The following GPR85 variants were observed in gnomAD, a reference collection of about 807,000 sequenced individuals.
The protein encoded by GPR85 is G protein-coupled receptor 85, also known as probable G protein-coupled receptor 85.
GPR85 carries 7 observed loss-of-function variants against 21.3 expected under a neutral mutation model. That is an observed-to-expected ratio of 0.33 (90% confidence interval 0.19 to 0.62). The LOEUF (loss-of-function observed/expected upper bound fraction) is 0.62, where lower values mean the gene tolerates loss of function less well. GPR85 is among the 20% of genes least tolerant of loss of function. The probability of loss-of-function intolerance (pLI) is 0.80; values close to 1 mark genes in which losing one functional copy is unlikely to be tolerated. For synonymous variants in GPR85, 167 were observed against 166.1 expected (o/e 1.01, Z -0.04); for missense variants, 299 against 443.8 (o/e 0.67, Z 2.93).
chr7:113,087,285 A>T (rs1794334688), upstream of GPR85, among the ~76,000 whole-genome samples: 2 of 152,238 alleles, frequency 1.3e-5, no homozygotes, highest in Non-Finnish European at 1.5e-5. Flanking sequence ...CTGGCATTCC[A>T]CCCCACCAAG....
At position 113,086,426 on chromosome 7, in the gene GPR85, T is replaced by TTTTTTTTTTTTTTTTTTTTTTTTG. The variant is rs1794299341; in HGVS notation, c.-394_-393insCAAAAAAAAAAAAAAAAAAAAAAA. ...TTTTTTTTTTTTTTTTGTTTTTTGT[T>TTTTTTTTTTTTTTTTTTTTTTTTG]TTTTTTTTTTTTTTTTTTGCCTTAG... On this transcript the variant is annotated 5_prime_UTR_variant, in exon 1 of 3. Coordinates refer to ENST00000424100, the MANE Select transcript of GPR85 (RefSeq NM_001146267.2). 1 of 99,924 alleles carries TTTTTTTTTTTTTTTTTTTTTTTTG rather than the reference T, an allele frequency of 1.0e-5. No individual in the cohort carries two copies. The highest frequency in any genetic ancestry group is 4.2e-5 in the African/African-American group (1 of 23,606). The allele number at this position is 99,924 out of a possible 1,614,324, so 6.2% of individuals were successfully genotyped here.
Position 113,084,508 on chromosome 7 carries a change from T to G in GPR85, c.214A>C (p.Ile72Leu). The part of the protein sequence containing the change: ...LCCSDILRSA[I>L]CFPFVFNSVK... ...GAGTTGAACACAAATGGGAAACAAA[T>G]TGCAGATCTGAGGATATCTGAACAG... The change falls in exon 3 of 3, where the codon ATT becomes CTT. Residue 72 changes from isoleucine (I) to leucine (L), a missense_variant. Ile to Leu is a conservative substitution (Grantham distance 5). This residue lies in a region of GPR85 where 101 missense variants were observed against 108.4 expected (regional missense o/e 0.93). Coordinates refer to ENST00000424100, the MANE Select transcript of GPR85 (RefSeq NM_001146267.2). 6.2e-7 allele frequency: 1 copy of G among 1,613,372 alleles called. No homozygotes were observed. The highest frequency in any genetic ancestry group is 8.5e-7 in the Non-Finnish European group (1 of 1,179,342).
Position 113,086,431 on chromosome 7 carries a change from T to TTTTTTTTTTTTTTTTTTTCTTTTTG in GPR85, c.-399_-398insCAAAAAGAAAAAAAAAAAAAAAAAA, listed in dbSNP as rs1414402156. 1 of 108,236 alleles carries TTTTTTTTTTTTTTTTTTTCTTTTTG rather than the reference T, an allele frequency of 9.2e-6. No homozygotes were observed. Among genetic ancestry groups the TTTTTTTTTTTTTTTTTTTCTTTTTG allele is most frequent in the Non-Finnish European group, 1.9e-5 (1 of 52,472 alleles). The allele number at this position is 108,236 out of a possible 1,614,324, so 6.7% of individuals were successfully genotyped here. On this transcript the variant is annotated 5_prime_UTR_variant, in exon 1 of 3. The change abolishes the stop of an existing upstream ORF in the 5' untranslated region. Coordinates refer to ENST00000424100, the MANE Select transcript of GPR85 (RefSeq NM_001146267.2). ...TTTTTTTTTTTGTTTTTTGTTTTTT[T>TTTTTTTTTTTTTTTTTTTCTTTTTG]TTTTTTTTTTTTTGCCTTAGTGCCT...
At position 113,084,499 on chromosome 7, in the gene GPR85, G is replaced by A. The variant is rs778647458; in HGVS notation, c.223C>T (p.Pro75Ser). The change falls in exon 3 of 3, where the codon CCA becomes TCA. Residue 75 changes from proline (P) to serine (S), a missense_variant. Around this residue, in one of 2 missense-constraint regions of GPR85, gnomAD observed 101 missense variants for 108.4 expected, o/e 0.93. Coordinates refer to ENST00000424100, the MANE Select transcript of GPR85 (RefSeq NM_001146267.2). ...TTTTTGACAGAGTTGAACACAAATG[G>A]GAAACAAATTGCAGATCTGAGGATA... ...SDILRSAICF[P>S]FVFNSVKNGS... The A allele has an allele frequency of 5.0e-6, 8 of 1,613,568 alleles. No individual in the cohort carries two copies. In the Admixed American group the frequency reaches 1.2e-4, roughly 24 times the overall value.
chr7:113,082,894 T>C lies in GPR85; in HGVS notation c.*715A>G, dbSNP rs1357435694. ...ATATCTAGCATTTGTAAAATATAAATGAATTGGAAAAACTTTATACCAAAT... is the reference window on the plus strand; with the variant it reads ...ATATCTAGCATTTGTAAAATATAAACGAATTGGAAAAACTTTATACCAAAT... On this transcript the variant is annotated 3_prime_UTR_variant, in exon 3 of 3. Transcript: ENST00000424100. The C allele has an allele frequency of 2.0e-5, 3 of 152,506 alleles. No homozygotes were observed. Among genetic ancestry groups the C allele is most frequent in the Non-Finnish European group, 4.4e-5 (3 of 67,998 alleles). The allele number at this position is 152,506 out of a possible 1,614,324, so 9.4% of individuals were successfully genotyped here. A position where few individuals can be genotyped will look rare whatever the true frequency, so the allele number is the denominator to read the frequency against.
rs1206480042 is a variant in GPR85 at position 113,083,559 on chromosome 7, T to C, written c.*50A>G. On this transcript the variant is annotated 3_prime_UTR_variant, in exon 3 of 3. Transcript: ENST00000424100. This position sits in a 1 kb window ranked among gnomAD's most constrained non-coding sequence, Gnocchi z 4.4. ...AAATATGGCTATGGGCCACAATTGC[T>C]CAGCAGAGAAGGTTAGTTTTCACAA... 2 of 1,508,386 alleles carry C rather than the reference T, an allele frequency of 1.3e-6. No homozygotes were observed. Among genetic ancestry groups the C allele is most frequent in the Admixed American group, 2.0e-5 (1 of 50,180 alleles). 93.4% of individuals were successfully genotyped at this position (1,508,386 alleles called of 1,614,324 possible).
chr7:113,084,793 GATCCATAC>G lies in GPR85; in HGVS notation c.-80_-73del. ...TAGATATAAGAACAAGGAAAAGATA[GATCCATAC>G]ATTTTACTGAAAATATAATCCACAA... is the stretch of plus-strand genomic sequence containing the variant. On this transcript the variant is annotated 5_prime_UTR_variant, in exon 3 of 3. An upstream start codon of the reference 5' UTR is lost. Coordinates refer to ENST00000424100, the MANE Select transcript of GPR85 (RefSeq NM_001146267.2). 1 of 1,073,692 alleles carries G rather than the reference GATCCATAC, an allele frequency of 9.3e-7. No individual in the cohort carries two copies. The highest frequency in any genetic ancestry group is 1.3e-6 in the Non-Finnish European group (1 of 744,460). The allele number at this position is 1,073,692 out of a possible 1,614,324, so 66.5% of individuals were successfully genotyped here. A position where few individuals can be genotyped will look rare whatever the true frequency, so the allele number is the denominator to read the frequency against.
At chr7:113,086,203 C>CACACAGAG (rs1794275086) in intron 1 of GPR85, 94 bp from the exon 2 acceptor site, 1 of 24,446 alleles carries the variant, frequency 4.1e-5, no homozygotes, top group Admixed American at 6.1e-4. Context: ...CAGAGACACA[C>CACACAGAG]ACACACACAC....
At position 113,084,638 on chromosome 7, in the gene GPR85, A is replaced by C; in HGVS notation, c.84T>G (p.Gly28=). The C allele has an allele frequency of 6.2e-7, 1 of 1,613,766 alleles. No homozygotes were observed. Among genetic ancestry groups the C allele is most frequent in the Non-Finnish European group, 8.5e-7 (1 of 1,179,722 alleles). ...LTAFLKLTSL[G]FIIGVSVVGN... Reference sequence around the variant, plus strand: ...CCACCACGCTGACTCCTATTATGAAACCCAAGGAAGTCAGTTTCAGAAAGG... The same window carrying C: ...CCACCACGCTGACTCCTATTATGAACCCCAAGGAAGTCAGTTTCAGAAAGG... The change falls in exon 3 of 3, where the codon GGT becomes GGG. Residue 28 remains glycine, a synonymous_variant. Coordinates refer to ENST00000424100, the MANE Select transcript of GPR85 (RefSeq NM_001146267.2).
chr7:113,087,462 T>G (rs910022104), upstream of GPR85: 6 of 154,404 alleles, frequency 3.9e-5, no homozygotes, highest in African/African-American at 1.4e-4. Flanking sequence ...GGTCGGATGA[T>G]ACCACAGACA....
chr7:113,084,350 G>T lies in GPR85; in HGVS notation c.372C>A (p.Ala124=). Residue 124 remains alanine, a synonymous_variant, in exon 3 of 3, where the codon GCC becomes GCA. Transcript: ENST00000424100. The part of the protein sequence containing the change: ...CISVTRYLAI[A]HHRFYTKRLT... Reference sequence around the variant, plus strand: ...GCCTCTTTGTATAGAAGCGGTGATGGGCGATAGCTAAATATCTGGTGACAC... The same window carrying T: ...GCCTCTTTGTATAGAAGCGGTGATGTGCGATAGCTAAATATCTGGTGACAC... 1.2e-6 allele frequency: 2 copies of T among 1,614,066 alleles called. No homozygotes were observed. The highest frequency in any genetic ancestry group is 1.7e-6 in the Non-Finnish European group (2 of 1,179,976).
chr7:113,085,454 A>G (rs1309695246), intron 2 of GPR85, among the ~76,000 whole-genome samples: 1 of 152,212 alleles, frequency 6.6e-6, no homozygotes, highest in East Asian at 1.9e-4. Flanking sequence ...ATGTGATTTA[A>G]TCATTTGTCT....
In GPR85 at chr7:113,082,899, TG is replaced by T. The variant is rs1433899483; in HGVS notation, c.*709del. 2 of 152,556 alleles carry T rather than the reference TG, an allele frequency of 1.3e-5. No homozygotes were observed. Among genetic ancestry groups the T allele is most frequent in the Non-Finnish European group, 2.9e-5 (2 of 68,028 alleles). 9.5% of individuals were successfully genotyped at this position (152,556 alleles called of 1,614,324 possible). A position where few individuals can be genotyped will look rare whatever the true frequency, so the allele number is the denominator to read the frequency against. On this transcript the variant is annotated 3_prime_UTR_variant, in exon 3 of 3. Coordinates refer to ENST00000424100, the MANE Select transcript of GPR85 (RefSeq NM_001146267.2). ...TAGCATTTGTAAAATATAAATGAAT[TG>T]GAAAAACTTTATACCAAATCAACAA... is the stretch of plus-strand genomic sequence containing the variant.
upstream of GPR85, chr7:113,087,617 A>T (rs1794341133): frequency 6.5e-6 from 1 of 154,402 alleles, no homozygotes; most frequent in South Asian, 2.0e-4. Context: ...AAACTAGCAG[A>T]CACGCTTTCA....
Position 113,086,422 on chromosome 7 carries a change from T to TG in GPR85, c.-390_-389insC, listed in dbSNP as rs1794297805. On this transcript the variant is annotated 5_prime_UTR_variant, in exon 1 of 3. An upstream open reading frame in the 5' UTR gains an earlier in-frame stop. Transcript: ENST00000424100. ...TTTTTTTTTTTTTTTTTTTTGTTTTTTGTTTTTTTTTTTTTTTTTTTTGCC... is the reference window on the plus strand; with the variant it reads ...TTTTTTTTTTTTTTTTTTTTGTTTTTGTGTTTTTTTTTTTTTTTTTTTTGCC... 3.2e-4 allele frequency: 29 copies of TG among 89,574 alleles called. No individual in the cohort carries two copies. Among genetic ancestry groups the TG allele is most frequent in the African/African-American group, 1.4e-3 (29 of 21,182 alleles). The allele number at this position is 89,574 out of a possible 1,614,324, so 5.5% of individuals were successfully genotyped here.
chr7:113,084,442 A>G lies in GPR85; in HGVS notation c.280T>C (p.Cys94Arg). 6.2e-7 allele frequency: 1 copy of G among 1,614,106 alleles called. No individual in the cohort carries two copies. The highest frequency in any genetic ancestry group is 8.5e-7 in the Non-Finnish European group (1 of 1,179,952). The change falls in exon 3 of 3, where the codon TGC (cysteine) becomes CGC (arginine). Residue 94 changes from cysteine to arginine, a missense_variant. Around this residue, in one of 2 missense-constraint regions of GPR85, gnomAD observed 101 missense variants for 108.4 expected, o/e 0.93. Transcript: ENST00000424100. ...ACCCCCAGAAAGGCAATCACTTTGC[A>G]AGTCAGAGTCCCATAAGTCCAGGTA... ...GSTWTYGTLT[C>R]KVIAFLGVLS...
Position 113,086,699 on chromosome 7 carries a change from G to A in GPR85, c.-666C>T, listed in dbSNP as rs942389012. ...ACTGCCCTGTCCAATCCAACTGGCAGCATTAAGCTTTTGTCCCTTCGTGGC... is the reference window on the plus strand; with the variant it reads ...ACTGCCCTGTCCAATCCAACTGGCAACATTAAGCTTTTGTCCCTTCGTGGC... On this transcript the variant is annotated 5_prime_UTR_variant, in exon 1 of 3. Transcript: ENST00000424100. Among the ~76,000 whole-genome samples, 1 of 151,956 alleles carries A rather than the reference G, an allele frequency of 6.6e-6. No individual in the cohort carries two copies. Among genetic ancestry groups the A allele is most frequent in the African/African-American group, 2.4e-5 (1 of 41,418 alleles).
rs771662948 is a variant in GPR85, at chr7:113,083,708, G to C, written c.1014C>G (p.Val338=). 4 of 1,614,112 alleles carry C rather than the reference G, an allele frequency of 2.5e-6. No individual in the cohort carries two copies. In the South Asian group the frequency reaches 4.4e-5, roughly 18 times the overall value. The change falls in exon 3 of 3, where the codon GTC becomes GTG. Residue 338 remains valine (V), a synonymous_variant. Coordinates refer to ENST00000424100, the MANE Select transcript of GPR85 (RefSeq NM_001146267.2). The surrounding 1 kb of genome is among the most constrained non-coding windows in gnomAD (Gnocchi z 4.4). The part of the protein sequence containing the change: ...SFAQAGINPF[V]CIFSNRELRR... ...TCAGCTCCCTGTTTGAGAAAATGCA[G>C]ACAAAAGGATTGATTCCTGCTTGGG...
chr7:113,086,401 T>TTTTTTTTTTTTTTG lies in GPR85; in HGVS notation c.-369_-368insCAAAAAAAAAAAAA, dbSNP rs1794288657. 48 of 90,064 alleles carry TTTTTTTTTTTTTTG rather than the reference T, an allele frequency of 5.3e-4. 5 individuals are homozygous for TTTTTTTTTTTTTTG. Among genetic ancestry groups the TTTTTTTTTTTTTTG allele is most frequent in the Middle Eastern group, 5.2e-3 (1 of 192 alleles). 5.6% of individuals were successfully genotyped at this position (90,064 alleles called of 1,614,324 possible). ...TTTTTTCTTTTTTTCTTTTTCTTTT[T>TTTTTTTTTTTTTTG]TTTTTTTTTTTTTTTGTTTTTTGTT... On this transcript the variant is annotated 5_prime_UTR_variant, in exon 1 of 3. It removes the in-frame stop codon of an upstream open reading frame in the 5' UTR. Coordinates refer to ENST00000424100, the MANE Select transcript of GPR85 (RefSeq NM_001146267.2).
Sources: allele counts gnomAD v4.1 joint callset (sites outside exome capture counted in the v4.1 genomes callset), GRCh38; gene constraint gnomAD v4.1.1; regional missense constraint gnomAD v4.1.1; non-coding constraint Gnocchi (gnomAD v3.1); transcripts MANE v1.5; gene names NCBI Gene and HGNC (gene_info 2026-07-23, HGNC 2026-07-21).